Variants in IGF2R observed in about 807,000 individuals in gnomAD.
IGF2R encodes the protein insulin like growth factor 2 receptor.
In IGF2R, 91 loss-of-function variants were observed where a neutral mutation model predicts 270.6. That is an observed-to-expected ratio of 0.34 (90% CI 0.28 to 0.40). The LOEUF is 0.40. IGF2R is among the 10% of genes least tolerant of loss of function. The pLI, the probability that IGF2R is intolerant of heterozygous loss-of-function variation, is 1.00. For synonymous variants in IGF2R, 1,316 were observed against 1,258.9 expected (o/e 1.05, Z -0.96); for missense variants, 2,805 against 3,188.3 (o/e 0.88, Z 2.90).
intron 44 of IGF2R, among the ~76,000 whole-genome samples, chr6:160,090,633 G>T (rs954630137): frequency 6.6e-6 from 1 of 152,210 alleles, no homozygotes; most frequent in Non-Finnish European, 1.5e-5. Context: ...TCACATAATC[G>T]TGAAAGGCTG....
chr6:160,012,780 T>TATATATATATATATA (rs1784358825), intron 4 of IGF2R, among the ~76,000 whole-genome samples: 1 of 141,510 alleles, frequency 7.1e-6, no homozygotes, highest in Non-Finnish European at 1.5e-5. Flanking sequence ...TTTTTTTTTG[T>TATATATATATATATA]TTGTTTGTTT....
At chr6:160,041,733 CGCCTGGGCAGGGA>C (rs1777951449) in intron 11 of IGF2R, among the ~76,000 whole-genome samples, 1 of 152,176 alleles carries the variant, frequency 6.6e-6, no homozygotes. Flanking sequence ...CACTGTGAAC[CGCCTGGGCAGGGA>C]GTGCTGGCAG....
intron 34 of IGF2R, 141 bp from the exon 35 acceptor site, chr6:160,073,616 C>T (rs1053463889): frequency 2.9e-5 from 31 of 1,082,022 alleles, no homozygotes; most frequent in Non-Finnish European, 4.1e-5. Context: ...ACTGGAAGTG[C>T]CCAGTGCTAT....
At position 160,078,845 on chromosome 6, in the gene IGF2R, T is replaced by C. The variant is rs8191900; in HGVS notation, c.5478+483T>C. 3.6e-3 allele frequency among the ~76,000 whole-genome samples: 553 copies of C among 152,290 alleles called. 5 individuals are homozygous for C. The highest frequency in any genetic ancestry group is 0.013 in the African/African-American group (527 of 41,554). On this transcript the variant is annotated intron_variant, in intron 37 of 47. Transcript: ENST00000356956. ...AGGTGCCCTGGAATTGAGAGGCACT[T>C]GGGCATGTGCCTCCATGCCATGCCA...
At position 160,096,207 on chromosome 6, in the gene IGF2R, G is replaced by A. The variant is rs112068516; in HGVS notation, c.6656-232G>A. ...GTCTTCAGTCCATCAATAAATACTC[G>A]TGGTTAAAACAAAACAAAAATTCTT... On this transcript the variant is annotated intron_variant, in intron 44 of 47. Coordinates refer to ENST00000356956, the MANE Select transcript of IGF2R (RefSeq NM_000876.4). The A allele has an allele frequency of 1.3e-3, 510 of 396,548 alleles. 3 individuals are homozygous for A. The highest frequency in any genetic ancestry group is 9.6e-3 in the African/African-American group (468 of 48,806). 24.6% of individuals were successfully genotyped at this position (396,548 alleles called of 1,614,324 possible). A position where few individuals can be genotyped will look rare whatever the true frequency, so the allele number is the denominator to read the frequency against.
intron 2 of IGF2R, among the ~76,000 whole-genome samples, chr6:159,992,039 A>AT (rs1162457724): frequency 4.6e-5 from 7 of 152,192 alleles, no homozygotes; most frequent in African/African-American, 1.7e-4. Flanking sequence ...ATTTGGCAAC[A>AT]TGGATGTCCG....
Position 160,058,768 on chromosome 6 carries a change from A to G in IGF2R, c.2899-138A>G, listed in dbSNP as rs1349621277. 5.5e-6 allele frequency: 4 copies of G among 725,010 alleles called. 1 individual carries two copies. The highest frequency in any genetic ancestry group is 3.5e-5 in the African/African-American group (2 of 56,602). The allele number at this position is 725,010 out of a possible 1,614,324, so 44.9% of individuals were successfully genotyped here. ...TATGTACTAACTGTACTAACATGCC[A>G]GAAAGTGGAAAGTTGGCAAGTTAAC... On this transcript the variant is annotated intron_variant, in intron 21 of 47. Transcript: ENST00000356956.
intron 45 of IGF2R, among the ~76,000 whole-genome samples, chr6:160,100,616 A>G (rs938722274): frequency 3.9e-5 from 6 of 152,086 alleles, no homozygotes; most frequent in Admixed American, 2.0e-4. Context: ...AGACATGCGC[A>G]GAACACTGTT....
intron 33 of IGF2R, 149 bp from the exon 34 acceptor site, chr6:160,073,064 A>T (rs753409899): frequency 1.9e-5 from 26 of 1,346,208 alleles, no homozygotes; most frequent in Middle Eastern, 4.7e-4. Flanking sequence ...TGAACATTCA[A>T]TGTAAAACAA....
At position 160,063,618 on chromosome 6, in the gene IGF2R, C is replaced by T; in HGVS notation, c.3874C>T (p.His1292Tyr). 6.2e-7 allele frequency: 1 copy of T among 1,613,344 alleles called. No homozygotes were observed. Among genetic ancestry groups the T allele is most frequent in the Non-Finnish European group, 8.5e-7 (1 of 1,179,320 alleles). ...CQEKREPQGF[H>Y]KVAGLLTQKL... ...GGAAAAGCGGGAACCGCAGGGATTT[C>T]ACAAAGTGGCAGGTACCATTGTTTG... is the stretch of plus-strand genomic sequence containing the variant. Residue 1292 changes from histidine to tyrosine, a missense_variant, in exon 27 of 48, where the codon CAC becomes TAC. His to Tyr is a moderately conservative substitution (Grantham distance 83). Around this residue, in one of 2 missense-constraint regions of IGF2R, gnomAD observed 1,851 missense variants for 2,207.2 expected, o/e 0.84. Coordinates refer to ENST00000356956, the MANE Select transcript of IGF2R (RefSeq NM_000876.4).
At chr6:160,019,812 A>T (rs1275119005) in intron 4 of IGF2R, among the ~76,000 whole-genome samples, 1 of 152,222 alleles carries the variant, frequency 6.6e-6, no homozygotes, top group Non-Finnish European at 1.5e-5. Context: ...CATACCTCAG[A>T]ATAATAAAAG....
chr6:159,980,236 AAAGGTACAT>A (rs1488556173), intron 1 of IGF2R, among the ~76,000 whole-genome samples: 1 of 136,080 alleles, frequency 7.3e-6, no homozygotes, highest in Non-Finnish European at 1.6e-5. Flanking sequence ...AGAAAGAAAG[AAAGGTACAT>A]GGAAGATTCG....
intron 19 of IGF2R, among the ~76,000 whole-genome samples, chr6:160,053,765 G>A (rs1443394824): frequency 6.6e-6 from 1 of 152,192 alleles, no homozygotes; most frequent in Non-Finnish European, 1.5e-5. Context: ...TGTAGTGGGT[G>A]TAATCATTGC....
In IGF2R at chr6:160,033,057, C is replaced by T. The variant is rs151169137; in HGVS notation, c.1161C>T (p.Ser387=). The T allele has an allele frequency of 1.2e-5, 19 of 1,612,764 alleles. No individual in the cohort carries two copies. In the African/African-American group the frequency reaches 1.6e-4, roughly 14 times the overall value. The change falls in exon 9 of 48, where the codon AGC becomes AGT. Residue 387 remains serine (S), a synonymous_variant. Coordinates refer to ENST00000356956, the MANE Select transcript of IGF2R (RefSeq NM_000876.4). ...CTGCAGTTTGCCAAGTGAAAAAGAGCGATACCTCTCAAGTCAAAGCAGCAG... is the reference window on the plus strand; with the variant it reads ...CTGCAGTTTGCCAAGTGAAAAAGAGTGATACCTCTCAAGTCAAAGCAGCAG... ...KQAAVCQVKK[S]DTSQVKAAGR...
intron 45 of IGF2R, among the ~76,000 whole-genome samples, chr6:160,098,350 C>T (rs1779411177): frequency 1.3e-5 from 2 of 152,098 alleles, no homozygotes; most frequent in South Asian, 4.2e-4. Context: ...TGTTTAAATC[C>T]CTTAACACAC....
chr6:160,074,781 G>T (rs1199280640), intron 35 of IGF2R, among the ~76,000 whole-genome samples: 1 of 152,160 alleles, frequency 6.6e-6, no homozygotes, highest in African/African-American at 2.4e-5. Context: ...ATTATATGTG[G>T]CAGTGATATG....
intron 1 of IGF2R, among the ~76,000 whole-genome samples, chr6:159,971,124 T>A (rs1030455808): frequency 6.6e-5 from 10 of 152,176 alleles, no homozygotes; most frequent in African/African-American, 1.9e-4. Context: ...CCAGCTGGCC[T>A]AGTGTGGTTG....
intron 31 of IGF2R, among the ~76,000 whole-genome samples, chr6:160,071,071 T>G (rs1583291585): frequency 8.3e-6 from 1 of 121,136 alleles, no homozygotes; most frequent in African/African-American, 3.4e-5. Context: ...GGTGAAGGGG[T>G]GTGTGGGGTT....
chr6:160,034,275 C>A, intron 9 of IGF2R, 144 bp from the exon 10 acceptor site: 1 of 535,966 alleles, frequency 1.9e-6, no homozygotes, highest in South Asian at 2.8e-5. Flanking sequence ...ATATTTTTCC[C>A]TAGCTGGCTA....
Sources: allele counts gnomAD v4.1 joint callset (sites outside exome capture counted in the v4.1 genomes callset), GRCh38; gene constraint gnomAD v4.1.1; regional missense constraint gnomAD v4.1.1; transcripts MANE v1.5; gene names NCBI Gene and HGNC (gene_info 2026-07-23, HGNC 2026-07-21).